The following ZNF668 variants were observed in gnomAD, a reference collection of about 807,000 sequenced individuals.
The protein encoded by ZNF668 is zinc finger protein 668.
A neutral mutation model predicts 40.3 loss-of-function variants in ZNF668; 10 were observed. The ratio of observed to expected loss-of-function variants is 0.25; its 90% CI spans 0.15 to 0.42. The LOEUF (loss-of-function observed/expected upper bound fraction) is 0.42, where lower values mean the gene tolerates loss of function less well. Ranked by LOEUF, ZNF668 falls within the 10% of genes least tolerant of loss-of-function variation. The pLI, the probability that ZNF668 is intolerant of heterozygous loss-of-function variation, is 1.00. For synonymous variants in ZNF668, 428 were observed against 384.6 expected (o/e 1.11, Z -1.32); for missense variants, 749 against 904.6 (o/e 0.83, Z 2.21).
Position 31,062,287 on chromosome 16 carries a change from G to A in ZNF668, c.648-7C>T. The A allele has an allele frequency of 6.3e-7, 1 of 1,587,216 alleles. No individual in the cohort carries two copies. The highest frequency in any genetic ancestry group is 1.1e-5 in the South Asian group (1 of 88,036). On this transcript the variant is annotated splice_polypyrimidine_tract_variant and splice_region_variant and intron_variant, in intron 2 of 2. Transcript: ENST00000300849. Reference sequence around the variant, plus strand: ...GCGCTCGCCGGTGTGGGACCTGCGGGGGTGTGGAGGACTTGGCATGAAGGC... The same window carrying A: ...GCGCTCGCCGGTGTGGGACCTGCGGAGGTGTGGAGGACTTGGCATGAAGGC...
chr16:31,065,130 A>C, intron 1 of ZNF668: 2 of 1,002,464 alleles, frequency 2.0e-6, no homozygotes, highest in East Asian at 1.0e-4. Flanking sequence ...TGTTCCCACA[A>C]CTCTGGTAAT....
intron 1 of ZNF668, chr16:31,072,888 C>T (rs1278673707): frequency 1.3e-5 from 2 of 152,312 alleles, no homozygotes; most frequent in South Asian, 2.1e-4. Flanking sequence ...CCCTTTACAT[C>T]CTTCAAGAAC....
intron 1 of ZNF668, chr16:31,064,952 A>C: frequency 3.0e-6 from 4 of 1,322,200 alleles, no homozygotes; most frequent in Non-Finnish European, 3.9e-6. Context: ...GGTAGCTGGC[A>C]CTGTCTGGAA....
In ZNF668 at chr16:31,062,670, A is replaced by T. The variant is rs7196431; in HGVS notation, c.648-390T>A. 1.5e-3 allele frequency: 237 copies of T among 156,684 alleles called. 1 individual carries two copies. The highest frequency in any genetic ancestry group is 0.014 in the East Asian group (73 of 5,176). The allele number at this position is 156,684 out of a possible 1,614,324, so 9.7% of individuals were successfully genotyped here. ...TCCCAGCTACTCGGGAGGCTGAGGC[A>T]GGAGAATGGCGTGAACCCGGGAGGC... On this transcript the variant is annotated intron_variant, in intron 2 of 2. Transcript: ENST00000300849.
At position 31,062,097 on chromosome 16, in the gene ZNF668, C is replaced by T. The variant is rs773912402; in HGVS notation, c.831G>A (p.Glu277=). The T allele has an allele frequency of 6.2e-7, 1 of 1,613,716 alleles. No individual in the cohort carries two copies. Among genetic ancestry groups the T allele is most frequent in the South Asian group, 1.1e-5 (1 of 91,044 alleles). The change falls in exon 3 of 3, where the codon GAG becomes GAA. Residue 277 remains glutamate (E), a synonymous_variant. Transcript: ENST00000300849. ...CGCAGCGCGGGCACAGGAAGGGCTT[C>T]TCCCCCGAGTGCGTGCGCTCGTGGC... ...YQSHERTHSG[E]KPFLCPRCGR... is the part of the protein sequence containing the mutation.
chr16:31,063,726 C>T (rs1377050011), intron 2 of ZNF668, 87 bp downstream of exon 2: 6 of 1,382,464 alleles, frequency 4.3e-6, no homozygotes, highest in Non-Finnish European at 5.7e-6. Flanking sequence ...GCTCACTTTA[C>T]CCTGAGACTC....
rs1011929669 is a variant in ZNF668 at position 31,074,052 on chromosome 16, T to C, written c.-416A>G. ...CTAAGTCCAATTATATTCCACAACA[T>C]TTCCTTTAATAGCAAGGAGTGGGTT... On this transcript the variant is annotated 5_prime_UTR_variant, in exon 1 of 3. It removes an upstream start codon present in the reference 5' UTR. Transcript: ENST00000300849. 1.2e-4 allele frequency: 18 copies of C among 152,226 alleles called. No individual in the cohort carries two copies. The highest frequency in any genetic ancestry group is 8.5e-4 in the Admixed American group (13 of 15,286). The allele number at this position is 152,226 out of a possible 1,614,324, so 9.4% of individuals were successfully genotyped here. A position where few individuals can be genotyped will look rare whatever the true frequency, so the allele number is the denominator to read the frequency against.
At position 31,061,559 on chromosome 16, in the gene ZNF668, C is replaced by A; in HGVS notation, c.1369G>T (p.Ala457Ser). The change falls in exon 3 of 3, where the codon GCA (alanine) becomes TCA (serine). Residue 457 changes from alanine (A) to serine (S), a missense_variant. By Grantham distance (99) the Ala-to-Ser change is moderately conservative. Coordinates refer to ENST00000300849, the MANE Select transcript of ZNF668 (RefSeq NM_024706.5). The surrounding 1 kb of genome is among the most constrained non-coding windows in gnomAD (Gnocchi z 7.7). The stretch of plus-strand genomic sequence containing the variant: ...TCCGGGGGCAGCCCTAGCAGCCCTG[C>A]TGGAGGGTCCCCCAGCCCCGCCCCT... ...AAGAGLGDPP[A>S]GLLGLPPESG... 4 of 1,609,540 alleles carry A rather than the reference C, an allele frequency of 2.5e-6. No individual in the cohort carries two copies. Among genetic ancestry groups the A allele is most frequent in the Non-Finnish European group, 3.4e-6 (4 of 1,179,814 alleles).
intron 2 of ZNF668, 37 bp downstream of exon 2, chr16:31,063,776 G>C: frequency 6.7e-7 from 1 of 1,501,244 alleles, no homozygotes; most frequent in Non-Finnish European, 8.9e-7. Flanking sequence ...CTGTCGCCCT[G>C]CCCCGGAAGG....
chr16:31,071,375 C>A (rs1376656460), intron 1 of ZNF668, among the ~76,000 whole-genome samples: 1 of 150,398 alleles, frequency 6.6e-6, no homozygotes, highest in Non-Finnish European at 1.5e-5. Context: ...CCACATTGGC[C>A]ACGCTGGTCT....
Position 31,061,383 on chromosome 16 carries a change from C to G in ZNF668, c.1545G>C (p.Gln515His), listed in dbSNP as rs377278400. The change falls in exon 3 of 3, where the codon CAG (glutamine) becomes CAC (histidine). Residue 515 changes from glutamine (Q) to histidine (H), a missense_variant. By Grantham distance (24) the Gln-to-His change is conservative. This residue lies in a region of ZNF668 where 310 missense variants were observed against 355.1 expected (regional missense o/e 0.87). Transcript: ENST00000300849. The surrounding 1 kb of genome is among the most constrained non-coding windows in gnomAD (Gnocchi z 7.7). ...TCTCCTTGCACTCTCGGCACACAAACTGGGGGGGCTTCTCGTCAGCCTCCT... is the reference window on the plus strand; with the variant it reads ...TCTCCTTGCACTCTCGGCACACAAAGTGGGGGGGCTTCTCGTCAGCCTCCT... Reference protein sequence around the residue: ...GGEEADEKPPQFVCRECKETF... With the variant: ...GGEEADEKPPHFVCRECKETF... 6.2e-7 allele frequency: 1 copy of G among 1,613,612 alleles called. No individual in the cohort carries two copies. Among genetic ancestry groups the G allele is most frequent in the African/African-American group, 1.3e-5 (1 of 74,914 alleles).
At chr16:31,066,338 G>C in intron 1 of ZNF668, 6 of 985,388 alleles carry the variant, frequency 6.1e-6, no homozygotes, top group Non-Finnish European at 6.0e-6. Context: ...CTTTGGGTTT[G>C]GCCCCAATCC....
intron 1 of ZNF668, chr16:31,064,728 T>TCC: frequency 2.6e-6 from 4 of 1,521,404 alleles, no homozygotes; most frequent in Non-Finnish European, 3.5e-6. Context: ...CACCTACACG[T>TCC]CCCCCCCCGC....
chr16:31,062,407 C>T, intron 2 of ZNF668, 127 bp from the exon 3 acceptor site: 2 of 1,296,970 alleles, frequency 1.5e-6, no homozygotes, highest in Non-Finnish European at 2.1e-6. Context: ...CCCTAAGAGC[C>T]ACATGGCTGC....
rs575313198 is a variant in ZNF668 at position 31,062,296 on chromosome 16, G to A, written c.648-16C>T. On this transcript the variant is annotated splice_polypyrimidine_tract_variant and intron_variant, in intron 2 of 2. Transcript: ENST00000300849. Reference sequence around the variant, plus strand: ...GGTGTGGGACCTGCGGGGGTGTGGAGGACTTGGCATGAAGGCGACAGACCC... The same window carrying A: ...GGTGTGGGACCTGCGGGGGTGTGGAAGACTTGGCATGAAGGCGACAGACCC... 3.7e-5 allele frequency: 58 copies of A among 1,579,494 alleles called. No individual in the cohort carries two copies. The highest frequency in any genetic ancestry group is 4.6e-5 in the Non-Finnish European group (53 of 1,164,702).
At chr16:31,073,606 G>C (rs1175633759) in intron 1 of ZNF668, 53 bp downstream of exon 1, 1 of 152,172 alleles carries the variant, frequency 6.6e-6, no homozygotes, top group Non-Finnish European at 1.5e-5. Flanking sequence ...CTCGGATCGT[G>C]GCCGCGTGGG....
chr16:31,064,731 C>T (rs531872289), intron 1 of ZNF668: 3 of 1,526,328 alleles, frequency 2.0e-6, no homozygotes, highest in Non-Finnish European at 2.6e-6. Context: ...CTACACGTCC[C>T]CCCCCGCCCC....
chr16:31,062,081 G>A lies in ZNF668; in HGVS notation c.847C>T (p.Pro283Ser), dbSNP rs2056933324. 2 of 1,612,492 alleles carry A rather than the reference G, an allele frequency of 1.2e-6. No individual in the cohort carries two copies. The highest frequency in any genetic ancestry group is 1.7e-6 in the Non-Finnish European group (2 of 1,179,524). The part of the protein sequence containing the change: ...THSGEKPFLC[P>S]RCGRMFSDPS... The stretch of plus-strand genomic sequence containing the variant: ...TCGGAGAACATGCGGCCGCAGCGCG[G>A]GCACAGGAAGGGCTTCTCCCCCGAG... The change falls in exon 3 of 3, where the codon CCG (proline) becomes TCG (serine). Residue 283 changes from proline (P) to serine (S), a missense_variant. Pro to Ser is a moderately conservative substitution (Grantham distance 74, BLOSUM62 -1). Around this residue, in one of 4 missense-constraint regions of ZNF668, gnomAD observed 129 missense variants for 231.2 expected, o/e 0.56. Coordinates refer to ENST00000300849, the MANE Select transcript of ZNF668 (RefSeq NM_024706.5).
intron 1 of ZNF668, among the ~76,000 whole-genome samples, chr16:31,068,239 A>AAAAAAAAAAAAAAAATAT (rs1473353128): frequency 1.2e-5 from 1 of 83,012 alleles, no homozygotes; most frequent in African/African-American, 5.0e-5. Flanking sequence ...AAAAAAAAAA[A>AAAAAAAAAAAAAAAATAT]ATATATATAT....
Sources: gnomAD v4.1 joint callset for allele counts (sites outside exome capture counted in the v4.1 genomes callset) on GRCh38, gnomAD v4.1.1 for gene constraint, gnomAD v4.1.1 regional missense constraint, Gnocchi (gnomAD v3.1) non-coding constraint, MANE v1.5 for transcripts, NCBI Gene and HGNC (gene_info 2026-07-23, HGNC 2026-07-21) for gene names.